Variants in CASK observed in about 807,000 individuals in gnomAD.
CASK encodes the protein peripheral plasma membrane protein CASK.
In CASK, 4 loss-of-function variants were observed where a neutral mutation model predicts 82.9. The ratio of observed to expected loss-of-function variants is 0.05; its 90% CI spans 0.02 to 0.11. The LOEUF (loss-of-function observed/expected upper bound fraction) is 0.11, where lower values mean the gene tolerates loss of function less well. Among genes scored for constraint, CASK ranks in the 10% least tolerant of loss-of-function variants. The pLI is 1.00. For missense variants in CASK, 358 were observed against 720.9 expected (o/e 0.50, Z 5.76); for synonymous variants, 259 against 253.5 (o/e 1.02, Z -0.20).
intron 18 of CASK, 23 bp downstream of exon 18, chrX:41,559,756 G>T: frequency 1.7e-6 from 2 of 1,183,118 alleles, no homozygotes; most frequent in Non-Finnish European, 2.3e-6. Flanking sequence ...GAGCAGATGG[G>T]GGTGGTTTGT....
In CASK at chrX:41,517,663, T is replaced by C; in HGVS notation, c.*2757A>G. ...AGTACTCTAAACATTCATTCTGGTC[T>C]TTAAAAGAAAGAAAGAAAAAAAAAG... On this transcript the variant is annotated 3_prime_UTR_variant, in exon 27 of 27. Transcript: ENST00000378163. 2.2e-6 allele frequency: 1 copy of C among 455,497 alleles called. No individual in the cohort carries two copies. The highest frequency in any genetic ancestry group is 4.0e-5 in the East Asian group (1 of 25,276). 37.5% of individuals were successfully genotyped at this position (455,497 alleles called of 1,213,427 possible). A position where few individuals can be genotyped will look rare whatever the true frequency, so the allele number is the denominator to read the frequency against.
chrX:41,923,052 A>C lies in CASK; in HGVS notation c.-64T>G. 1 of 1,035,186 alleles carries C rather than the reference A, an allele frequency of 9.7e-7. No homozygotes were observed. The highest frequency in any genetic ancestry group is 1.4e-6 in the Non-Finnish European group (1 of 737,844). The allele number at this position is 1,035,186 out of a possible 1,213,427, so 85.3% of individuals were successfully genotyped here. A position where few individuals can be genotyped will look rare whatever the true frequency, so the allele number is the denominator to read the frequency against. On this transcript the variant is annotated 5_prime_UTR_variant, in exon 1 of 27. Coordinates refer to ENST00000378163, the MANE Select transcript of CASK (RefSeq NM_001367721.1). ...GAAAACGGGGGTGGGGGCGCCCAAG[A>C]GCTCAGTGCCCAGCCCCGGGATCGC...
intron 3 of CASK, among the ~76,000 whole-genome samples, chrX:41,771,271 T>G (rs958018229): frequency 1.8e-5 from 2 of 111,891 alleles, no homozygotes; most frequent in African/African-American, 6.5e-5. Context: ...CTCTACCCAG[T>G]GAATATCCTT....
Position 41,636,613 on chromosome X carries a change from G to T in CASK, c.880C>A (p.Gln294Lys). ...CTCCTTGCATTGAATTTCCTCAGCT[G>T]CTCTACTGTTTCTGGAAGATGAATC... is the stretch of plus-strand genomic sequence containing the variant. ...YKIHLPETVEQLRKFNARRKL... is the reference protein window; with the variant it reads ...YKIHLPETVEKLRKFNARRKL... Residue 294 changes from glutamine to lysine, a missense_variant, in exon 9 of 27, where the codon CAG becomes AAG. Gln to Lys is a moderately conservative substitution (Grantham distance 53). Coordinates refer to ENST00000378163, the MANE Select transcript of CASK (RefSeq NM_001367721.1). The T allele has an allele frequency of 8.3e-7, 1 of 1,198,221 alleles. No homozygotes were observed. The highest frequency in any genetic ancestry group is 1.1e-6 in the Non-Finnish European group (1 of 883,290).
intron 1 of CASK, among the ~76,000 whole-genome samples, chrX:41,895,804 G>A (rs1170975059): frequency 2.7e-5 from 3 of 111,825 alleles, no homozygotes; most frequent in Non-Finnish European, 5.6e-5. Flanking sequence ...TGCCCTGGAA[G>A]AACAGAAGGT....
intron 14 of CASK, chrX:41,585,173 TAAAAG>T (rs2065638017): frequency 8.9e-6 from 1 of 112,690 alleles, no homozygotes; most frequent in Non-Finnish European, 1.9e-5. Context: ...GATACCTTGA[TAAAAG>T]AGGTGAGATT....
chrX:41,892,837 C>T (rs893759963), intron 1 of CASK, among the ~76,000 whole-genome samples: 2 of 111,603 alleles, frequency 1.8e-5, no homozygotes, highest in Non-Finnish European at 3.8e-5. Context: ...TGTGGGGTGA[C>T]CTTTATTTAA....
intron 5 of CASK, among the ~76,000 whole-genome samples, chrX:41,733,476 C>A (rs749818413): frequency 9.0e-6 from 1 of 111,147 alleles, no homozygotes; most frequent in Non-Finnish European, 1.9e-5. Context: ...TGGCTGGGCA[C>A]GGTGGCTCAC....
rs759147602 is a variant in CASK at position 41,542,788 on chromosome X, G to A, written c.2058C>T (p.Ala686=). 2.5e-6 allele frequency: 3 copies of A among 1,182,343 alleles called. No individual in the cohort carries two copies. In the Admixed American group the frequency reaches 6.5e-5, roughly 26 times the overall value. The part of the protein sequence containing the change: ...ELQEWRVACI[A]MEKTKQEQQA... The stretch of plus-strand genomic sequence containing the variant: ...GCTGCTCCTGTTTGGTCTTCTCCAT[G>A]GCAATGCAAGCTACTCGCCTAGCAC... Residue 686 remains alanine (A), a synonymous_variant, in exon 22 of 27, where the codon GCC becomes GCT. Transcript: ENST00000378163.
intron 2 of CASK, among the ~76,000 whole-genome samples, chrX:41,813,014 C>T (rs1415710603): frequency 2.7e-5 from 3 of 111,248 alleles, no homozygotes; most frequent in South Asian, 3.8e-4. Context: ...GAATAAAATA[C>T]CTAGGAATCC....
intron 2 of CASK, among the ~76,000 whole-genome samples, chrX:41,813,407 G>C (rs1202721716): frequency 9.0e-6 from 1 of 110,646 alleles, no homozygotes; most frequent in Non-Finnish European, 1.9e-5. Flanking sequence ...TAGACCAATG[G>C]AACAGAACAG....
At chrX:41,727,183 T>C (rs1569421139) in intron 5 of CASK, 6 of 1,207,017 alleles carry the variant, frequency 5.0e-6, no homozygotes, top group Non-Finnish European at 5.6e-6. Flanking sequence ...AACGCACATC[T>C]ACCTGTCACA....
intron 14 of CASK, 115 bp from the exon 15 acceptor site, chrX:41,578,643 C>T: frequency 1.9e-6 from 1 of 539,631 alleles, no homozygotes; most frequent in Non-Finnish European, 3.0e-6. Flanking sequence ...GGGTGCAGTG[C>T]AGTGGTGAGA....
intron 11 of CASK, among the ~76,000 whole-genome samples, chrX:41,610,565 T>C (rs184742367): frequency 1.0e-3 from 115 of 111,771 alleles, no homozygotes; most frequent in Non-Finnish European, 1.8e-3. Flanking sequence ...CCTTTTTTTT[T>C]CCTTTACATA....
At position 41,733,020 on chromosome X, in the gene CASK, A is replaced by T. The variant is rs143239099; in HGVS notation, c.429+6364T>A. Reference sequence around the variant, plus strand: ...GTCTCTACTAAAAAATATATATATAAAAAAAATTAGCTGAGCGTAGTGGCA... The same window carrying T: ...GTCTCTACTAAAAAATATATATATATAAAAAATTAGCTGAGCGTAGTGGCA... On this transcript the variant is annotated intron_variant, in intron 5 of 26. Coordinates refer to ENST00000378163, the MANE Select transcript of CASK (RefSeq NM_001367721.1). 8.5e-3 allele frequency among the ~76,000 whole-genome samples: 929 copies of T among 109,888 alleles called. 13 individuals are homozygous for T. Among genetic ancestry groups the T allele is most frequent in the African/African-American group, 0.029 (885 of 30,173 alleles).
chrX:41,668,888 T>C (rs1192431126), intron 6 of CASK, among the ~76,000 whole-genome samples: 1 of 110,228 alleles, frequency 9.1e-6, no homozygotes, highest in East Asian at 2.8e-4. Flanking sequence ...TCACCATGCC[T>C]GGCTAATTTT....
chrX:41,559,295 T>C (rs2065195726), intron 18 of CASK: 1 of 119,566 alleles, frequency 8.4e-6, no homozygotes, highest in Non-Finnish European at 1.7e-5. Flanking sequence ...GTGAAGTCAA[T>C]TATCAATTCA....
chrX:41,793,170 CT>C (rs1276750667), intron 2 of CASK, among the ~76,000 whole-genome samples: 1 of 111,756 alleles, frequency 8.9e-6, no homozygotes, highest in East Asian at 2.8e-4. Flanking sequence ...TAAAGTGCCC[CT>C]CTATAAGTCC....
At chrX:41,917,996 A>G (rs988929299) in intron 1 of CASK, among the ~76,000 whole-genome samples, 5 of 111,803 alleles carry the variant, frequency 4.5e-5, no homozygotes, top group Admixed American at 3.8e-4. Flanking sequence ...CACTTCTTTT[A>G]CCTTGTTACT....
Sources: allele counts gnomAD v4.1 joint callset (sites outside exome capture counted in the v4.1 genomes callset), GRCh38; gene constraint gnomAD v4.1.1; transcripts MANE v1.5; gene names NCBI Gene and HGNC (gene_info 2026-07-23, HGNC 2026-07-21).